PTPRZ1: variants seen among roughly 807,000 people sequenced by gnomAD.
The protein encoded by PTPRZ1 is receptor-type tyrosine-protein phosphatase zeta.
PTPRZ1 carries 82 observed loss-of-function variants against 214.1 expected under a neutral mutation model. The ratio of observed to expected loss-of-function variants is 0.38; its 90% confidence interval spans 0.32 to 0.46. The LOEUF (loss-of-function observed/expected upper bound fraction) is 0.46, where lower values mean the gene tolerates loss of function less well. Ranked by LOEUF, PTPRZ1 falls within the 20% of genes least tolerant of loss-of-function variation. The pLI, the probability that PTPRZ1 is intolerant of heterozygous loss-of-function variation, is 1.00. For synonymous variants in PTPRZ1, 945 were observed against 987.9 expected, an observed-to-expected ratio of 0.96 and a Z score of 0.81; for missense variants, 2,603 against 2,748.7, an observed-to-expected ratio of 0.95 and a Z score of 1.19.
chr7:121,889,967 C>G (rs1332510606), intron 1 of PTPRZ1, among the ~76,000 whole-genome samples: 2 of 152,290 alleles, frequency 1.3e-5, no homozygotes, highest in Non-Finnish European at 2.9e-5. Flanking sequence ...TTGTACTCCA[C>G]TGTCTTCCTC....
chr7:121,878,454 T>A (rs1347168630), intron 1 of PTPRZ1, among the ~76,000 whole-genome samples: 2 of 152,208 alleles, frequency 1.3e-5, no homozygotes, highest in Non-Finnish European at 2.9e-5. Flanking sequence ...GAAGTGTTCG[T>A]GCATGTGAGT....
At chr7:121,917,914 T>C (rs1795471929) in intron 1 of PTPRZ1, among the ~76,000 whole-genome samples, 1 of 152,150 alleles carries the variant, frequency 6.6e-6, no homozygotes, top group East Asian at 1.9e-4. Context: ...TAATGAGCAA[T>C]AGCAAGTGGC....
intron 22 of PTPRZ1, among the ~76,000 whole-genome samples, chr7:122,043,511 A>C (rs894091806): frequency 6.6e-6 from 1 of 152,178 alleles, no homozygotes. Context: ...TTTTATCTTC[A>C]CTGTTTCTAA....
chr7:121,953,923 G>A (rs951979292), intron 2 of PTPRZ1, among the ~76,000 whole-genome samples: 1 of 152,140 alleles, frequency 6.6e-6, no homozygotes, highest in African/African-American at 2.4e-5. Flanking sequence ...ATGATGCTGT[G>A]GCTTTTGGCT....
At chr7:121,982,945 T>G (rs1477811629) in intron 6 of PTPRZ1, among the ~76,000 whole-genome samples, 1 of 152,070 alleles carries the variant, frequency 6.6e-6, no homozygotes, top group East Asian at 1.9e-4. Flanking sequence ...GCCCAGCTAA[T>G]TTTTTGTATT....
chr7:121,981,338 T>C (rs1373460371), intron 6 of PTPRZ1, among the ~76,000 whole-genome samples: 3 of 152,142 alleles, frequency 2.0e-5, no homozygotes, highest in Non-Finnish European at 2.9e-5. Flanking sequence ...TTGGTATTTT[T>C]CTAAAACTCC....
intron 6 of PTPRZ1, among the ~76,000 whole-genome samples, chr7:121,981,648 A>G (rs1211910305): frequency 1.3e-5 from 2 of 152,226 alleles, no homozygotes; most frequent in Admixed American, 6.5e-5. Flanking sequence ...GGAGACAGAT[A>G]TATTTGGATT....
intron 13 of PTPRZ1, among the ~76,000 whole-genome samples, chr7:122,027,805 G>C (rs1256139002): frequency 1.2e-4 from 18 of 152,104 alleles, no homozygotes; most frequent in Admixed American, 1.0e-3. Context: ...TGATATTGTA[G>C]ATCATAGTTG....
chr7:121,937,307 A>G (rs1037403193), intron 2 of PTPRZ1, among the ~76,000 whole-genome samples: 2 of 152,150 alleles, frequency 1.3e-5, no homozygotes, highest in Non-Finnish European at 2.9e-5. Flanking sequence ...AGAGGCAAGG[A>G]GGAGCCCCTG....
At chr7:121,990,028 T>G (rs1797900886) in intron 8 of PTPRZ1, among the ~76,000 whole-genome samples, 1 of 152,140 alleles carries the variant, frequency 6.6e-6, no homozygotes. Flanking sequence ...TCATTCTTAA[T>G]TTTATGTTGT....
intron 1 of PTPRZ1, among the ~76,000 whole-genome samples, chr7:121,885,958 T>C (rs1001681858): frequency 2.0e-5 from 3 of 152,166 alleles, no homozygotes; most frequent in African/African-American, 7.2e-5. Flanking sequence ...AACCCTTTTA[T>C]GGTGACATGG....
At chr7:121,938,776 G>T (rs1254395669) in intron 2 of PTPRZ1, among the ~76,000 whole-genome samples, 1 of 152,130 alleles carries the variant, frequency 6.6e-6, no homozygotes, top group Non-Finnish European at 1.5e-5. Flanking sequence ...TGTCTTCCTG[G>T]TTTTCAATGG....
intron 13 of PTPRZ1, among the ~76,000 whole-genome samples, chr7:122,025,322 T>C (rs1263622275): frequency 6.6e-6 from 1 of 150,838 alleles, no homozygotes; most frequent in African/African-American, 2.4e-5. Flanking sequence ...AGTCTTTTCT[T>C]TTTTTTTCTT....
In PTPRZ1 at chr7:122,010,834, C is replaced by T. The variant is rs757571440; in HGVS notation, c.1788C>T (p.Ile596=). ...GCTCCAGTCCCGCAACTTCTGCTATCCCATTCATCTCTGAGAACATATCCC... is the reference window on the plus strand; with the variant it reads ...GCTCCAGTCCCGCAACTTCTGCTATTCCATTCATCTCTGAGAACATATCCC... ...SSGSSPATSA[I]PFISENISQG... Residue 596 remains isoleucine, a synonymous_variant, in exon 12 of 30, where the codon ATC becomes ATT. Transcript: ENST00000393386. The T allele has an allele frequency of 2.5e-6, 4 of 1,614,122 alleles. No homozygotes were observed. The highest frequency in any genetic ancestry group is 3.4e-6 in the Non-Finnish European group (4 of 1,180,000).
In PTPRZ1 at chr7:122,010,315, T is replaced by C; in HGVS notation, c.1288-19T>C. 6.3e-7 allele frequency: 1 copy of C among 1,579,426 alleles called. No homozygotes were observed. Among genetic ancestry groups the C allele is most frequent in the Non-Finnish European group, 8.6e-7 (1 of 1,167,812 alleles). On this transcript the variant is annotated intron_variant, in intron 11 of 29. Transcript: ENST00000393386. ...TCTTATTTCCTTATGACTCATTAAA[T>C]CTTGTTTGCTTTTCAAAGGAGGAGG...
intron 2 of PTPRZ1, among the ~76,000 whole-genome samples, chr7:121,933,490 T>C (rs377139905): frequency 2.0e-5 from 3 of 152,158 alleles, no homozygotes; most frequent in African/African-American, 7.2e-5. Flanking sequence ...AAATTTTAGT[T>C]AAAGAATGCA....
At position 122,051,439 on chromosome 7, in the gene PTPRZ1, G is replaced by C. The variant is rs140519629; in HGVS notation, c.6096G>C (p.Gln2032His). Residue 2032 changes from glutamine (Q) to histidine (H), a missense_variant, in exon 24 of 30, where the codon CAG (glutamine) becomes CAC (histidine). Transcript: ENST00000393386. ...KLEKQFQLLS[Q>H]SNIQQSDYSA... ...ACTTTCTTGCCCAGCTCCTGAGCCA[G>C]TCAAATATACAGCAGAGTGACTATT... The C allele has an allele frequency of 6.2e-7, 1 of 1,612,556 alleles. No individual in the cohort carries two copies. The highest frequency in any genetic ancestry group is 1.1e-5 in the South Asian group (1 of 90,704).
chr7:121,979,779 T>C (rs1230674245), intron 6 of PTPRZ1, among the ~76,000 whole-genome samples: 1 of 152,178 alleles, frequency 6.6e-6, no homozygotes. Context: ...TTAACAATAG[T>C]GAGGTTACTT....
At chr7:121,941,689 T>C (rs906553610) in intron 2 of PTPRZ1, among the ~76,000 whole-genome samples, 2 of 152,206 alleles carry the variant, frequency 1.3e-5, no homozygotes, top group Non-Finnish European at 2.9e-5. Flanking sequence ...ATGGAATGTC[T>C]TCTGCCTTTT....
Sources: gnomAD v4.1 joint callset for allele counts (sites outside exome capture counted in the v4.1 genomes callset) on GRCh38, gnomAD v4.1.1 for gene constraint, MANE v1.5 for transcripts, NCBI Gene and HGNC (gene_info 2026-07-23, HGNC 2026-07-21) for gene names.